NCOR1: variants seen among roughly 807,000 people sequenced by gnomAD.
NCOR1 encodes the protein protein phosphatase 1, regulatory subunit 109.
In NCOR1, 63 loss-of-function variants were observed where a neutral mutation model predicts 288.1. That is an observed-to-expected ratio of 0.22 (90% CI 0.18 to 0.27). NCOR1 has a LOEUF of 0.27. Among genes scored for constraint, NCOR1 ranks in the 10% least tolerant of loss-of-function variants. The pLI is 1.00. For synonymous variants in NCOR1, 1,007 were observed against 1,065.9 expected (o/e 0.94, Z 1.08); for missense variants, 2,397 against 3,019.2 (o/e 0.79, Z 4.83).
intron 1 of NCOR1, among the ~76,000 whole-genome samples, chr17:16,213,489 CAAAAA>C (rs537795184): frequency 4.9e-4 from 38 of 78,138 alleles, no homozygotes; most frequent in Middle Eastern, 9.1e-3. Context: ...AAGACTGTCT[CAAAAA>C]AAAAAAAAAA....
chr17:16,061,479 C>A lies in NCOR1; in HGVS notation c.5803G>T (p.Val1935Leu). 1 of 1,614,222 alleles carries A rather than the reference C, an allele frequency of 6.2e-7. No homozygotes were observed. Among genetic ancestry groups the A allele is most frequent in the Non-Finnish European group, 8.5e-7 (1 of 1,180,040 alleles). Residue 1935 changes from valine (V) to leucine (L), a missense_variant, in exon 37 of 46, where the codon GTG becomes TTG. This residue lies in a region of NCOR1 where 1,872 missense variants were observed against 2,187.8 expected (regional missense o/e 0.86). Coordinates refer to ENST00000268712, the MANE Select transcript of NCOR1 (RefSeq NM_006311.4). ...GAGGCAATTTGCCGGGTGATGATCA[C>A]GTCTATGAAGTTAGCTGCAGTAATG... ...TTITAANFID[V>L]IITRQIASDK...
chr17:16,172,105 A>C, intron 3 of NCOR1, 110 bp from the exon 4 acceptor site: 1 of 877,432 alleles, frequency 1.1e-6, no homozygotes, highest in Non-Finnish European at 1.7e-6. Context: ...TCATGCTTAC[A>C]TTCAAAGTGA....
At chr17:16,062,339 T>C in intron 35 of NCOR1, 69 bp from the exon 36 acceptor site, 1 of 1,435,276 alleles carries the variant, frequency 7.0e-7, no homozygotes. Context: ...GAAGCAATGC[T>C]TATGGATTGT....
At chr17:16,206,277 T>C (rs1465497840) in intron 1 of NCOR1, among the ~76,000 whole-genome samples, 1 of 150,642 alleles carries the variant, frequency 6.6e-6, no homozygotes, top group Non-Finnish European at 1.5e-5. Context: ...TATACATATG[T>C]ACATGTGCAT....
chr17:16,191,218 T>C (rs2088199331), intron 2 of NCOR1, among the ~76,000 whole-genome samples: 1 of 152,170 alleles, frequency 6.6e-6, no homozygotes, highest in Admixed American at 6.5e-5. Context: ...GGGCAAGAAC[T>C]CATTCAAATT....
intron 11 of NCOR1, among the ~76,000 whole-genome samples, chr17:16,143,044 C>T (rs1002246625): frequency 1.3e-5 from 2 of 152,184 alleles, no homozygotes; most frequent in African/African-American, 4.8e-5. Flanking sequence ...TGTTACCATA[C>T]TTACCTGGGA....
intron 5 of NCOR1, among the ~76,000 whole-genome samples, chr17:16,163,636 C>T (rs2081351419): frequency 6.6e-6 from 1 of 152,120 alleles, no homozygotes. Context: ...CATAGATTTA[C>T]CATATGCCCA....
chr17:16,153,656 T>C (rs2079217583), intron 6 of NCOR1, among the ~76,000 whole-genome samples: 1 of 152,186 alleles, frequency 6.6e-6, no homozygotes, highest in South Asian at 2.1e-4. Context: ...TTAACATTTG[T>C]ATTGAAAGCA....
chr17:16,101,327 G>A lies in NCOR1; in HGVS notation c.2613C>T (p.Pro871=), dbSNP rs74958461. The A allele has an allele frequency of 2.7e-5, 43 of 1,613,966 alleles. No homozygotes were observed. The African/African-American group carries it at 2.7e-4, about 10-fold the overall frequency. ...TGGAATCATTGTCTGACTGGGGCTC[G>A]GGCCTTTGGGCATTTATTTGCTGAG... ...VVAQQINAQR[P]EPQSDNDSSA... Residue 871 remains proline, a synonymous_variant, in exon 20 of 46, where the codon CCC becomes CCT. Transcript: ENST00000268712.
In NCOR1 at chr17:16,100,515, C is replaced by T. The variant is rs376349978; in HGVS notation, c.2690+735G>A. Among the ~76,000 whole-genome samples, 307 of 152,098 alleles carry T rather than the reference C, an allele frequency of 2.0e-3. 14 individuals are homozygous for T. The South Asian group carries it at 0.061, about 30-fold the overall frequency. ...AATTAGCCAAGCATGGTGGCGTGTG[C>T]CTGTAGTCCCAGCTACTCAGAAGGC... is the stretch of plus-strand genomic sequence containing the variant. On this transcript the variant is annotated intron_variant, in intron 20 of 45. Transcript: ENST00000268712.
At chr17:16,108,415 C>A (rs559529741) in intron 19 of NCOR1, among the ~76,000 whole-genome samples, 1 of 151,686 alleles carries the variant, frequency 6.6e-6, no homozygotes, top group South Asian at 2.1e-4. Flanking sequence ...TACTACAGTA[C>A]ATATAAATCT....
rs2153151677 is a variant in NCOR1 at position 16,121,130 on chromosome 17, C to T, written c.1774G>A (p.Glu592Lys). Residue 592 changes from glutamate (E) to lysine (K), a missense_variant, in exon 16 of 46, where the codon GAA becomes AAA. Coordinates refer to ENST00000268712, the MANE Select transcript of NCOR1 (RefSeq NM_006311.4). ...GCTGCAGCACTGGCAGCTGCAGCTTCGTTTGTCATGGACCTGGTGATCCGG... is the reference window on the plus strand; with the variant it reads ...GCTGCAGCACTGGCAGCTGCAGCTTTGTTTGTCATGGACCTGGTGATCCGG... The part of the protein sequence containing the change: ...KGRITRSMTN[E>K]AAAASAAAAA... 1.2e-6 allele frequency: 2 copies of T among 1,614,112 alleles called. No individual in the cohort carries two copies. Among genetic ancestry groups the T allele is most frequent in the African/African-American group, 1.3e-5 (1 of 75,018 alleles).
At chr17:16,146,869 C>T (rs1215485738) in intron 9 of NCOR1, among the ~76,000 whole-genome samples, 1 of 151,834 alleles carries the variant, frequency 6.6e-6, no homozygotes, top group East Asian at 1.9e-4. Context: ...CATTGTTGTC[C>T]CAAAAAAATG....
At chr17:16,208,035 CTTTTTTTT>C (rs71150278) in intron 1 of NCOR1, among the ~76,000 whole-genome samples, 732 of 72,582 alleles carry the variant, frequency 0.01, 7 homozygotes, top group African/African-American at 0.039. Flanking sequence ...ATATTTCTTT[CTTTTTTTT>C]TTTTTTTTTT....
At chr17:16,053,634 A>G (rs1323459324) in intron 40 of NCOR1, among the ~76,000 whole-genome samples, 2 of 152,220 alleles carry the variant, frequency 1.3e-5, no homozygotes, top group Non-Finnish European at 2.9e-5. Context: ...CAATTCACAA[A>G]TTCAATGCTA....
intron 1 of NCOR1, among the ~76,000 whole-genome samples, chr17:16,202,846 G>C (rs138043085): frequency 2.0e-5 from 3 of 152,014 alleles, no homozygotes; most frequent in African/African-American, 7.3e-5. Flanking sequence ...CAGCACCCCC[G>C]AGCTCCATAA....
chr17:16,070,597 G>A, intron 30 of NCOR1, 72 bp from the exon 31 acceptor site: 1 of 1,549,716 alleles, frequency 6.5e-7, no homozygotes, highest in Non-Finnish European at 8.7e-7. Flanking sequence ...GTCTATGTCT[G>A]GCCCATGGCA....
At chr17:16,170,591 T>C (rs1390011286) in intron 4 of NCOR1, among the ~76,000 whole-genome samples, 3 of 151,956 alleles carry the variant, frequency 2.0e-5, no homozygotes, top group Non-Finnish European at 4.4e-5. Flanking sequence ...TCCCAGCACT[T>C]TGGGAGGCCG....
At chr17:16,036,606 C>G (rs1332402041) in intron 44 of NCOR1, among the ~76,000 whole-genome samples, 1 of 152,234 alleles carries the variant, frequency 6.6e-6, no homozygotes, top group Admixed American at 6.5e-5. Context: ...ACATCTTCAT[C>G]AGCACTTTCT....
Sources: allele counts gnomAD v4.1 joint callset (sites outside exome capture counted in the v4.1 genomes callset), GRCh38; gene constraint gnomAD v4.1.1; regional missense constraint gnomAD v4.1.1; transcripts MANE v1.5; gene names NCBI Gene and HGNC (gene_info 2026-07-23, HGNC 2026-07-21).